Variants in SEMA6D observed in about 807,000 individuals in gnomAD.
The protein encoded by SEMA6D is semaphorin 6D.
Under a neutral mutation model 106.6 loss-of-function variants are expected in SEMA6D, and 35 were observed. That is an observed-to-expected ratio of 0.33 (90% CI 0.25 to 0.44). The LOEUF is 0.44. Ranked by LOEUF, SEMA6D falls within the 20% of genes least tolerant of loss-of-function variation. The probability of loss-of-function intolerance (pLI) is 1.00; values close to 1 mark genes in which losing one functional copy is unlikely to be tolerated. For synonymous variants in SEMA6D, 499 were observed against 487.7 expected, an observed-to-expected ratio of 1.02 and a Z score of -0.31; for missense variants, 1,185 against 1,345.9, an observed-to-expected ratio of 0.88 and a Z score of 1.87.
chr15:47,727,209 G>C (rs775500128), intron 1 of SEMA6D, among the ~76,000 whole-genome samples: 1 of 152,114 alleles, frequency 6.6e-6, no homozygotes, highest in African/African-American at 2.4e-5. Flanking sequence ...CTGTCGTCAC[G>C]CACATCTTTG....
chr15:47,622,820 C>T (rs1014271779), intron 4 of SEMA6D, among the ~76,000 whole-genome samples: 1 of 152,126 alleles, frequency 6.6e-6, no homozygotes, highest in Non-Finnish European at 1.5e-5. Flanking sequence ...ATTGATAAGG[C>T]CACCTGAGGG....
At chr15:47,321,080 G>A (rs1443948142) in intron 1 of SEMA6D, among the ~76,000 whole-genome samples, 1 of 152,070 alleles carries the variant, frequency 6.6e-6, no homozygotes, top group African/African-American at 2.4e-5. Flanking sequence ...TCATAACAGG[G>A]CTCTATCTCT....
intron 2 of SEMA6D, among the ~76,000 whole-genome samples, chr15:47,467,103 A>G: frequency 6.6e-6 from 1 of 152,048 alleles, no homozygotes; most frequent in Non-Finnish European, 1.5e-5. Flanking sequence ...CACTAACAGT[A>G]TATAAGGGTT....
chr15:47,259,747 C>T (rs2033981145), intron 1 of SEMA6D, among the ~76,000 whole-genome samples: 1 of 152,134 alleles, frequency 6.6e-6, no homozygotes, highest in African/African-American at 2.4e-5. Flanking sequence ...TTTTCAGCTG[C>T]AATATGTGCA....
chr15:47,519,418 A>ATTATGAAGAGCATTACTG (rs931466798), intron 3 of SEMA6D, among the ~76,000 whole-genome samples: 1 of 152,232 alleles, frequency 6.6e-6, no homozygotes, highest in Non-Finnish European at 1.5e-5. Flanking sequence ...TGACCAAAAT[A>ATTATGAAGAGCATTACTG]TTATGAAGAG....
At chr15:47,561,891 C>T (rs1298813686) in intron 3 of SEMA6D, among the ~76,000 whole-genome samples, 1 of 151,864 alleles carries the variant, frequency 6.6e-6, no homozygotes, top group Non-Finnish European at 1.5e-5. Flanking sequence ...TTTTTCTAAA[C>T]TATATGGTGC....
intron 3 of SEMA6D, among the ~76,000 whole-genome samples, chr15:47,536,844 T>C (rs999181032): frequency 3.3e-5 from 5 of 152,182 alleles, no homozygotes; most frequent in African/African-American, 1.2e-4. Flanking sequence ...CTTTAAAAGT[T>C]ACCCAACTCA....
At chr15:47,212,631 CT>C (rs1216447906) in intron 1 of SEMA6D, among the ~76,000 whole-genome samples, 1 of 152,180 alleles carries the variant, frequency 6.6e-6, no homozygotes, top group Non-Finnish European at 1.5e-5. Context: ...TAAGTCTATA[CT>C]GTTTCTCAAA....
rs551118908 is a variant in SEMA6D, at chr15:47,427,574, G to A, written c.-159+15102G>A. ...AATGAATTTATTTCAAAAAAGAAATGTACACTTGGGAAAGGTCACTGGGTG... is the reference window on the plus strand; with the variant it reads ...AATGAATTTATTTCAAAAAAGAAATATACACTTGGGAAAGGTCACTGGGTG... On this transcript the variant is annotated intron_variant, in intron 2 of 19. Transcript: ENST00000558014. Among the ~76,000 whole-genome samples the A allele has an allele frequency of 3.6e-4, 55 of 152,178 alleles. 1 individual carries two copies. In the South Asian group the frequency reaches 0.011, roughly 30 times the overall value.
intron 3 of SEMA6D, among the ~76,000 whole-genome samples, chr15:47,492,977 G>A (rs572275557): frequency 6.6e-6 from 1 of 152,038 alleles, no homozygotes; most frequent in South Asian, 2.1e-4. Flanking sequence ...GACAGCAGGA[G>A]AAACAAGAAA....
At chr15:47,274,882 C>T (rs989275229) in intron 1 of SEMA6D, 3 of 152,184 alleles carry the variant, frequency 2.0e-5, no homozygotes, top group Non-Finnish European at 2.9e-5. Context: ...GATAAGGAAT[C>T]ATTACCTGAA....
At chr15:47,377,042 A>G (rs890349382) in intron 1 of SEMA6D, among the ~76,000 whole-genome samples, 4 of 152,224 alleles carry the variant, frequency 2.6e-5, no homozygotes, top group Non-Finnish European at 4.4e-5. Context: ...AAGAAGCTGT[A>G]TACGATGAGT....
rs543545005 is a variant in SEMA6D at position 47,773,819 on chromosome 15, G to A, written c.*2034G>A. ...ACTACTCAGTCCACCAACAACAAACGTGTTTGAATTCACCTTACCAATATT... is the reference window on the plus strand; with the variant it reads ...ACTACTCAGTCCACCAACAACAAACATGTTTGAATTCACCTTACCAATATT... On this transcript the variant is annotated 3_prime_UTR_variant, in exon 19 of 19. Transcript: ENST00000536845. 8 of 152,626 alleles carry A rather than the reference G, an allele frequency of 5.2e-5. No homozygotes were observed. The highest frequency in any genetic ancestry group is 3.4e-3 in the Middle Eastern group (1 of 294). 9.5% of individuals were successfully genotyped at this position (152,626 alleles called of 1,614,324 possible).
intron 3 of SEMA6D, among the ~76,000 whole-genome samples, chr15:47,582,904 C>T (rs1345080318): frequency 1.3e-5 from 2 of 152,152 alleles, no homozygotes; most frequent in East Asian, 3.8e-4. Flanking sequence ...ACCTTTATGC[C>T]TTTTACAAAG....
chr15:47,378,956 T>A (rs1415966228), intron 1 of SEMA6D, among the ~76,000 whole-genome samples: 1 of 152,208 alleles, frequency 6.6e-6, no homozygotes, highest in Non-Finnish European at 1.5e-5. Context: ...CACTTCGTTT[T>A]CCCAGATAAT....
chr15:47,555,499 A>G (rs2045890143), intron 3 of SEMA6D, among the ~76,000 whole-genome samples: 1 of 152,194 alleles, frequency 6.6e-6, no homozygotes, highest in Non-Finnish European at 1.5e-5. Flanking sequence ...AGCAAGTAAT[A>G]TGAACTAAGT....
chr15:47,334,008 C>A lies in SEMA6D; in HGVS notation c.-238-78385C>A, dbSNP rs812519. ...AGGAAGGAATGCTAACCAGAGAGGCCAAGAAAGATCTGAACAGTTAGGTCT... is the reference window on the plus strand; with the variant it reads ...AGGAAGGAATGCTAACCAGAGAGGCAAAGAAAGATCTGAACAGTTAGGTCT... On this transcript the variant is annotated intron_variant, in intron 1 of 19. Coordinates refer to the SEMA6D transcript ENST00000558014. 1.5e-3 allele frequency among the ~76,000 whole-genome samples: 232 copies of A among 151,816 alleles called. 7 individuals are homozygous for A. In the South Asian group the frequency reaches 0.043, roughly 28 times the overall value.
chr15:47,671,124 A>G (rs1283791080), intron 4 of SEMA6D, among the ~76,000 whole-genome samples: 2 of 152,198 alleles, frequency 1.3e-5, no homozygotes, highest in Non-Finnish European at 2.9e-5. Context: ...TACACATAGC[A>G]CATAAGAACC....
intron 1 of SEMA6D, among the ~76,000 whole-genome samples, chr15:47,196,701 C>T (rs959916507): frequency 1.3e-5 from 2 of 152,120 alleles, no homozygotes; most frequent in Non-Finnish European, 2.9e-5. Flanking sequence ...CAGCGCTAAG[C>T]CCTTTCATAT....
Sources: allele counts gnomAD v4.1 joint callset (sites outside exome capture counted in the v4.1 genomes callset), GRCh38; gene constraint gnomAD v4.1.1; transcripts MANE v1.5; gene names NCBI Gene and HGNC (gene_info 2026-07-23, HGNC 2026-07-21).